ANXA10: variants seen among roughly 807,000 people sequenced by gnomAD.
ANXA10 encodes the protein annexin A10.
Under a neutral mutation model 53.5 loss-of-function variants are expected in ANXA10, and 49 were observed. The observed-to-expected ratio is 0.92, with a 90% CI of 0.73 to 1.16. The LOEUF is 1.16. ANXA10 is among the 50% of genes most tolerant of loss of function. The pLI is 0.00. For synonymous variants in ANXA10, 131 were observed against 128.9 expected, an observed-to-expected ratio of 1.02 and a Z score of -0.11; for missense variants, 393 against 394.4, an observed-to-expected ratio of 1.00 and a Z score of 0.03.
chr4:168,184,544 T>C lies in ANXA10; in HGVS notation c.784-15T>C. On this transcript the variant is annotated splice_polypyrimidine_tract_variant and intron_variant, in intron 10 of 11. Transcript: ENST00000359299. ...TGCTGTCTTCTCATTTCTCCCACTT[T>C]TCTGTATCTTTTAGGACTTTGGTTT... 1 of 1,613,348 alleles carries C rather than the reference T, an allele frequency of 6.2e-7. No individual in the cohort carries two copies. The highest frequency in any genetic ancestry group is 8.5e-7 in the Non-Finnish European group (1 of 1,179,544).
At chr4:168,126,463 T>A (rs1731071168) in intron 1 of ANXA10, among the ~76,000 whole-genome samples, 1 of 152,162 alleles carries the variant, frequency 6.6e-6, no homozygotes, top group South Asian at 2.1e-4. Context: ...ATTGTATCAC[T>A]CTCTTACTTA....
At chr4:168,102,502 T>C (rs552129517) in intron 1 of ANXA10, among the ~76,000 whole-genome samples, 2 of 152,234 alleles carry the variant, frequency 1.3e-5, no homozygotes, top group Admixed American at 6.6e-5. Context: ...TCATAAACTA[T>C]TGAACCTTTT....
intron 1 of ANXA10, among the ~76,000 whole-genome samples, chr4:168,103,059 T>C (rs1281933371): frequency 6.6e-6 from 1 of 152,078 alleles, no homozygotes; most frequent in Non-Finnish European, 1.5e-5. Context: ...CCTATACATA[T>C]TCTGGATTAA....
chr4:168,137,762 T>G (rs1011573958), intron 2 of ANXA10, among the ~76,000 whole-genome samples: 4 of 152,166 alleles, frequency 2.6e-5, no homozygotes, highest in Non-Finnish European at 5.9e-5. Flanking sequence ...GCAAATATCT[T>G]TTTTATATAA....
intron 6 of ANXA10, among the ~76,000 whole-genome samples, chr4:168,169,217 CATTTT>C (rs1731939247): frequency 6.6e-6 from 1 of 152,064 alleles, no homozygotes; most frequent in African/African-American, 2.4e-5. Flanking sequence ...TTTTCTTTTA[CATTTT>C]ATAAGATTAA....
intron 3 of ANXA10, among the ~76,000 whole-genome samples, chr4:168,151,459 T>G (rs1414162060): frequency 6.6e-6 from 1 of 152,218 alleles, no homozygotes; most frequent in African/African-American, 2.4e-5. Flanking sequence ...GTCTGCAGTT[T>G]CATTGGCAAC....
At chr4:168,182,318 ATT>A (rs542260478) in intron 10 of ANXA10, among the ~76,000 whole-genome samples, 194 of 49,700 alleles carry the variant, frequency 3.9e-3, no homozygotes, top group Middle Eastern at 0.024. Context: ...TGGAGCATTA[ATT>A]TTTTTTTTTT....
chr4:168,155,791 T>TG lies in ANXA10; in HGVS notation c.196-6737_196-6736insG, dbSNP rs1560783735. On this transcript the variant is annotated intron_variant, in intron 3 of 11. Transcript: ENST00000359299. ...GATATATCATATATTATATATTATA[T>TG]ATAATATATAATATATGATATATTA... Among the ~76,000 whole-genome samples, 64 of 44,890 alleles carry TG rather than the reference T, an allele frequency of 1.4e-3. 11 individuals carry two copies. Among genetic ancestry groups the TG allele is most frequent in the East Asian group, 0.013 (20 of 1,534 alleles). The allele number at this position is 44,890 out of a possible 152,430, so 29.4% of individuals were successfully genotyped here. A position where few individuals can be genotyped will look rare whatever the true frequency, so the allele number is the denominator to read the frequency against.
rs571974330 is a variant in ANXA10 at position 168,099,683 on chromosome 4, C to T, written c.18+6965C>T. 2.6e-5 allele frequency among the ~76,000 whole-genome samples: 4 copies of T among 152,166 alleles called. No individual in the cohort carries two copies. The South Asian group carries it at 6.2e-4, about 24-fold the overall frequency. On this transcript the variant is annotated intron_variant, in intron 1 of 11. Transcript: ENST00000359299. Reference sequence around the variant, plus strand: ...CTAGATATTGTGAATACTAGAATGACTGTGGGCGGCTATGCTTGGTTTTCC... The same window carrying T: ...CTAGATATTGTGAATACTAGAATGATTGTGGGCGGCTATGCTTGGTTTTCC...
chr4:168,184,522 T>A (rs1732325039), intron 10 of ANXA10, 37 bp from the exon 11 acceptor site: 2 of 1,610,970 alleles, frequency 1.2e-6, no homozygotes, highest in African/African-American at 1.3e-5. Context: ...TTTAGGATGC[T>A]GTCTTCTCAT....
intron 1 of ANXA10, among the ~76,000 whole-genome samples, chr4:168,095,666 T>A (rs1730529931): frequency 6.6e-6 from 1 of 152,142 alleles, no homozygotes; most frequent in Non-Finnish European, 1.5e-5. Flanking sequence ...GTTTTATACA[T>A]ATTATTTTTG....
intron 9 of ANXA10, 64 bp from the exon 10 acceptor site, chr4:168,181,619 A>G: frequency 7.6e-7 from 1 of 1,317,070 alleles, no homozygotes; most frequent in Admixed American, 1.7e-5. Context: ...TTGTTTCTCA[A>G]ATTCTGACGA....
At chr4:168,138,121 C>A (rs1355547415) in intron 2 of ANXA10, among the ~76,000 whole-genome samples, 1 of 151,880 alleles carries the variant, frequency 6.6e-6, no homozygotes, top group South Asian at 2.1e-4. Context: ...GCCACCACAC[C>A]CGGCTAATTT....
chr4:168,177,609 C>A, intron 6 of ANXA10, 131 bp from the exon 7 acceptor site: 1 of 806,136 alleles, frequency 1.2e-6, no homozygotes, highest in Non-Finnish European at 2.1e-6. Context: ...AGGAAATGAA[C>A]ACTTACTCCA....
chr4:168,126,204 G>C (rs1169581716), intron 1 of ANXA10, among the ~76,000 whole-genome samples: 5 of 152,122 alleles, frequency 3.3e-5, no homozygotes, highest in African/African-American at 9.6e-5. Flanking sequence ...GACTGTCCAA[G>C]GTAACTTTTC....
intron 2 of ANXA10, among the ~76,000 whole-genome samples, chr4:168,130,424 T>A (rs1731139395): frequency 6.6e-6 from 1 of 152,132 alleles, no homozygotes; most frequent in Non-Finnish European, 1.5e-5. Context: ...TGTTGGTCAG[T>A]AATTTTCTTT....
rs1731245224 is a variant in ANXA10, at chr4:168,136,827, C to T, written c.101-2659C>T. On this transcript the variant is annotated intron_variant, in intron 2 of 11. Transcript: ENST00000359299. The stretch of plus-strand genomic sequence containing the variant: ...GTGGGGGCTCCAACCCCACATTTTT[C>T]CCCCACACTGCCTTAGTAGAGGTTC... Among the ~76,000 whole-genome samples, 3 of 152,306 alleles carry T rather than the reference C, an allele frequency of 2.0e-5. No individual in the cohort carries two copies. The South Asian group carries it at 6.2e-4, about 32-fold the overall frequency.
intron 2 of ANXA10, among the ~76,000 whole-genome samples, chr4:168,130,552 T>G (rs1387806413): frequency 6.6e-6 from 1 of 152,042 alleles, no homozygotes; most frequent in Non-Finnish European, 1.5e-5. Flanking sequence ...TTGATATTTC[T>G]TTCTTAAAAG....
chr4:168,131,087 T>G (rs934698094), intron 2 of ANXA10, among the ~76,000 whole-genome samples: 3 of 152,112 alleles, frequency 2.0e-5, no homozygotes, highest in African/African-American at 4.8e-5. Context: ...GCTTAGATTC[T>G]TGATTTCAGA....
Sources: gnomAD v4.1 joint callset for allele counts (sites outside exome capture counted in the v4.1 genomes callset) on GRCh38, gnomAD v4.1.1 for gene constraint, MANE v1.5 for transcripts, NCBI Gene and HGNC (gene_info 2026-07-23, HGNC 2026-07-21) for gene names.